FAF1: variants seen among roughly 807,000 people sequenced by gnomAD.
FAF1 encodes FAS-associated factor 1.
Under a neutral mutation model 92.5 loss-of-function variants are expected in FAF1, and 25 were observed. That is an observed-to-expected ratio of 0.27 (90% confidence interval 0.20 to 0.38). The LOEUF (loss-of-function observed/expected upper bound fraction) is 0.38. Among genes scored for constraint, FAF1 ranks in the 10% least tolerant of loss-of-function variants. FAF1 has a pLI of 1.00. For synonymous variants in FAF1, 234 were observed against 273.2 expected (o/e 0.86, Z 1.42); for missense variants, 636 against 793.3 (o/e 0.80, Z 2.38).
At chr1:50,563,802 T>C (rs949335952) in intron 13 of FAF1, among the ~76,000 whole-genome samples, 1 of 152,182 alleles carries the variant, frequency 6.6e-6, no homozygotes, top group African/African-American at 2.4e-5. Context: ...ATTTGGAATG[T>C]TCTAAGATCA....
At chr1:50,850,372 A>T (rs1470126195) in intron 2 of FAF1, among the ~76,000 whole-genome samples, 1 of 152,184 alleles carries the variant, frequency 6.6e-6, no homozygotes, top group African/African-American at 2.4e-5. Flanking sequence ...CCAGTAACAG[A>T]GGCCTTTAAA....
chr1:50,539,072 G>C (rs1235486471), intron 14 of FAF1, among the ~76,000 whole-genome samples: 1 of 152,048 alleles, frequency 6.6e-6, no homozygotes, highest in Non-Finnish European at 1.5e-5. Context: ...CTTCTTTTTT[G>C]GTAAAGAATG....
chr1:50,688,142 A>T (rs1010967403), intron 7 of FAF1, among the ~76,000 whole-genome samples: 9 of 151,860 alleles, frequency 5.9e-5, no homozygotes, highest in Non-Finnish European at 1.0e-4. Flanking sequence ...TCTCAAAAAA[A>T]ATAAATAAAT....
At chr1:50,772,371 C>G (rs1402994138) in intron 4 of FAF1, among the ~76,000 whole-genome samples, 1 of 152,150 alleles carries the variant, frequency 6.6e-6, no homozygotes, top group Non-Finnish European at 1.5e-5. Context: ...GAACATCAAT[C>G]ATCACACCAT....
At chr1:50,827,017 C>A (rs1300258588) in intron 2 of FAF1, among the ~76,000 whole-genome samples, 1 of 143,440 alleles carries the variant, frequency 7.0e-6, no homozygotes, top group Non-Finnish European at 1.5e-5. Context: ...GTGCCTCTGC[C>A]CGGCCGCCCC....
intron 15 of FAF1, among the ~76,000 whole-genome samples, chr1:50,506,526 C>T (rs1443617926): frequency 6.6e-6 from 1 of 152,208 alleles, no homozygotes; most frequent in African/African-American, 2.4e-5. Context: ...ACTCCCTCCT[C>T]CCCAAATCCT....
chr1:50,941,856 T>G (rs1204369761), intron 1 of FAF1, among the ~76,000 whole-genome samples: 1 of 152,250 alleles, frequency 6.6e-6, no homozygotes, highest in African/African-American at 2.4e-5. Context: ...TATTTAAAAT[T>G]CATGTAAATT....
intron 6 of FAF1, among the ~76,000 whole-genome samples, chr1:50,720,005 T>C (rs1658341836): frequency 6.6e-6 from 1 of 152,098 alleles, no homozygotes; most frequent in South Asian, 2.1e-4. Context: ...ACACACTTTT[T>C]TTTTTTTTTT....
intron 18 of FAF1, chr1:50,452,122 A>G (rs1557950201): frequency 7.4e-7 from 1 of 1,350,082 alleles, no homozygotes; most frequent in Non-Finnish European, 9.8e-7. Context: ...TCAGAATGAG[A>G]ATAAAGAACA....
chr1:50,905,317 T>C (rs1210501917), intron 1 of FAF1, among the ~76,000 whole-genome samples: 2 of 152,214 alleles, frequency 1.3e-5, no homozygotes, highest in African/African-American at 4.8e-5. Context: ...TCCAAGTCTT[T>C]GCTATTGTGA....
intron 3 of FAF1, among the ~76,000 whole-genome samples, chr1:50,796,032 C>T (rs1661735234): frequency 6.6e-6 from 1 of 151,594 alleles, no homozygotes; most frequent in South Asian, 2.1e-4. Flanking sequence ...GTGAAAGATG[C>T]TTCACCAGGT....
intron 1 of FAF1, among the ~76,000 whole-genome samples, chr1:50,863,729 G>T (rs1644455288): frequency 6.6e-6 from 1 of 151,984 alleles, no homozygotes; most frequent in Non-Finnish European, 1.5e-5. Context: ...AAATGAGTTA[G>T]GGAGGATTCC....
intron 7 of FAF1, among the ~76,000 whole-genome samples, chr1:50,688,624 C>T (rs1656779802): frequency 1.3e-5 from 2 of 152,110 alleles, no homozygotes; most frequent in South Asian, 4.1e-4. Context: ...ACCAACCTGA[C>T]CAACATGGAG....
chr1:50,449,753 G>A (rs1646272505), intron 18 of FAF1, among the ~76,000 whole-genome samples: 1 of 151,526 alleles, frequency 6.6e-6, no homozygotes, highest in South Asian at 2.1e-4. Flanking sequence ...CTCCCAAAGT[G>A]CTGGAATTAC....
intron 7 of FAF1, among the ~76,000 whole-genome samples, chr1:50,693,145 A>G (rs1471553723): frequency 1.3e-5 from 2 of 152,192 alleles, no homozygotes; most frequent in African/African-American, 4.8e-5. Flanking sequence ...CTAACCCAAA[A>G]ACCACGAAAA....
chr1:50,441,305 A>G lies in FAF1; in HGVS notation c.*135T>C, dbSNP rs1000745106. On this transcript the variant is annotated 3_prime_UTR_variant, in exon 19 of 19. Transcript: ENST00000396153. ...AGCTATATTTATTATTACTTTTTCCAGCAATTTTGCAAGAGGCAGAAGTGT... is the reference window on the plus strand; with the variant it reads ...AGCTATATTTATTATTACTTTTTCCGGCAATTTTGCAAGAGGCAGAAGTGT... 5.6e-6 allele frequency: 3 copies of G among 532,780 alleles called. No individual in the cohort carries two copies. The highest frequency in any genetic ancestry group is 1.0e-5 in the Non-Finnish European group (3 of 294,510). The allele number at this position is 532,780 out of a possible 1,614,324, so 33.0% of individuals were successfully genotyped here.
chr1:50,621,401 T>C (rs867234622), intron 8 of FAF1, among the ~76,000 whole-genome samples: 23 of 126,254 alleles, frequency 1.8e-4, no homozygotes, highest in African/African-American at 4.4e-4. Flanking sequence ...CTTTTTTTTT[T>C]TTTTTTTTTT....
chr1:50,810,046 A>T (rs1036045089), intron 2 of FAF1, among the ~76,000 whole-genome samples: 1 of 152,202 alleles, frequency 6.6e-6, no homozygotes, highest in Non-Finnish European at 1.5e-5. Flanking sequence ...ACATGAGGTC[A>T]GCAGTTCGAG....
At chr1:50,884,841 T>A (rs974364861) in intron 1 of FAF1, among the ~76,000 whole-genome samples, 1 of 152,120 alleles carries the variant, frequency 6.6e-6, no homozygotes, top group African/African-American at 2.4e-5. Flanking sequence ...TTGAGTAAAA[T>A]TGGTATTCGT....
Sources: gnomAD v4.1 joint callset for allele counts (sites outside exome capture counted in the v4.1 genomes callset) on GRCh38, gnomAD v4.1.1 for gene constraint, MANE v1.5 for transcripts, NCBI Gene and HGNC (gene_info 2026-07-23, HGNC 2026-07-21) for gene names.